The following CSTF1 variants were observed in gnomAD, a reference collection of about 807,000 sequenced individuals.
CSTF1 encodes CF-1 50 kDa subunit.
CSTF1 carries 2 observed loss-of-function variants against 40.9 expected under a neutral mutation model. That is an observed-to-expected ratio of 0.05 (90% CI 0.02 to 0.15). The LOEUF is 0.15. Among genes scored for constraint, CSTF1 ranks in the 10% least tolerant of loss-of-function variants. The pLI, the probability that CSTF1 is intolerant of heterozygous loss-of-function variation, is 1.00. For missense variants in CSTF1, 279 were observed against 558.9 expected, an observed-to-expected ratio of 0.50 and a Z score of 5.05; for synonymous variants, 218 against 207.2, an observed-to-expected ratio of 1.05 and a Z score of -0.45.
chr20:56,397,766 T>C lies in CSTF1; in HGVS notation c.570T>C (p.Ser190=). Reference sequence around the variant, plus strand: ...ACCCAACAGAACAGATCCTGGCTTCTGGTTCAAGGGATTATACTCTTAAAT... The same window carrying C: ...ACCCAACAGAACAGATCCTGGCTTCCGGTTCAAGGGATTATACTCTTAAAT... ...AFHPTEQILA[S]GSRDYTLKLF... The change falls in exon 4 of 6, where the codon TCT becomes TCC. Residue 190 remains serine (S), a synonymous_variant. Transcript: ENST00000217109. This position sits in a 1 kb window ranked among gnomAD's most constrained non-coding sequence, Gnocchi z 4.4. 6.2e-7 allele frequency: 1 copy of C among 1,614,216 alleles called. No homozygotes were observed. The highest frequency in any genetic ancestry group is 8.5e-7 in the Non-Finnish European group (1 of 1,180,004).
Position 56,397,861 on chromosome 20 carries a change from A to G in CSTF1, c.645+20A>G. 1 of 1,569,174 alleles carries G rather than the reference A, an allele frequency of 6.4e-7. No homozygotes were observed. The highest frequency in any genetic ancestry group is 1.7e-4 in the Middle Eastern group (1 of 5,902). ...ATTCAGGTAGGAATCTTTAGAAAGG[A>G]GCTTTACATTTTTTCTTAAATACAA... On this transcript the variant is annotated intron_variant, in intron 4 of 5. Transcript: ENST00000217109. This position sits in a 1 kb window ranked among gnomAD's most constrained non-coding sequence, Gnocchi z 4.4.
chr20:56,405,319 G>C lies in CSTF1; in HGVS notation c.*1592G>C, dbSNP rs1243350705. 1 of 152,162 alleles carries C rather than the reference G, an allele frequency of 6.6e-6. No individual in the cohort carries two copies. Among genetic ancestry groups the C allele is most frequent in the Non-Finnish European group, 1.5e-5 (1 of 68,062 alleles). 9.4% of individuals were successfully genotyped at this position (152,162 alleles called of 1,614,324 possible). A position where few individuals can be genotyped will look rare whatever the true frequency, so the allele number is the denominator to read the frequency against. On this transcript the variant is annotated 3_prime_UTR_variant, in exon 6 of 6. Coordinates refer to ENST00000217109, the MANE Select transcript of CSTF1 (RefSeq NM_001324.3). ...CCACCTGGGTTCAAACGATTCTCCTGCCTCAGGCTCCCGAGTAACTAGGAT... is the reference window on the plus strand; with the variant it reads ...CCACCTGGGTTCAAACGATTCTCCTCCCTCAGGCTCCCGAGTAACTAGGAT...
chr20:56,397,487 A>G lies in CSTF1; in HGVS notation c.447+3A>G, dbSNP rs1258195606. 6.2e-7 allele frequency: 1 copy of G among 1,612,258 alleles called. No homozygotes were observed. Among genetic ancestry groups the G allele is most frequent in the South Asian group, 1.1e-5 (1 of 91,010 alleles). ...CCAAAAGTGCCATGCCAATAGAGGTAAAAATTCCAGTCACATACTTATTGA... is the reference window on the plus strand; with the variant it reads ...CCAAAAGTGCCATGCCAATAGAGGTGAAAATTCCAGTCACATACTTATTGA... On this transcript the variant is annotated splice_donor_region_variant and intron_variant, in intron 3 of 5. Transcript: ENST00000217109. The surrounding 1 kb of genome is among the most constrained non-coding windows in gnomAD (Gnocchi z 4.4).
chr20:56,397,111 G>C lies in CSTF1; in HGVS notation c.170-96G>C. On this transcript the variant is annotated intron_variant, in intron 2 of 5. Coordinates refer to ENST00000217109, the MANE Select transcript of CSTF1 (RefSeq NM_001324.3). The surrounding 1 kb of genome is among the most constrained non-coding windows in gnomAD (Gnocchi z 4.4). ...CTCCAAGAAATAGGAGGTTGACACT[G>C]GTGAGCATCTTTCCAGTTTGGATCT... The C allele has an allele frequency of 1.5e-6, 2 of 1,334,454 alleles. No individual in the cohort carries two copies. Among genetic ancestry groups the C allele is most frequent in the East Asian group, 2.3e-5 (1 of 43,420 alleles). The allele number at this position is 1,334,454 out of a possible 1,614,324, so 82.7% of individuals were successfully genotyped here. A position where few individuals can be genotyped will look rare whatever the true frequency, so the allele number is the denominator to read the frequency against.
At position 56,397,948 on chromosome 20, in the gene CSTF1, G is replaced by A. The variant is rs565268427; in HGVS notation, c.645+107G>A. The A allele has an allele frequency of 4.8e-5, 43 of 886,714 alleles. No homozygotes were observed. Among genetic ancestry groups the A allele is most frequent in the South Asian group, 4.6e-4 (28 of 61,004 alleles). The allele number at this position is 886,714 out of a possible 1,614,324, so 54.9% of individuals were successfully genotyped here. ...TCTCAGTGATCATCCTGTAAGATGC[G>A]TACAGACCAGGATGCATGCCCGATG... On this transcript the variant is annotated intron_variant, in intron 4 of 5. Transcript: ENST00000217109. This position sits in a 1 kb window ranked among gnomAD's most constrained non-coding sequence, Gnocchi z 4.4.
rs1488682197 is a variant in CSTF1 at position 56,399,391 on chromosome 20, G to A, written c.1036+34G>A. ...GACGTTGATGTTACTTAACATTTCT[G>A]TAGTGTTTACACTTTCCAGAACTCT... On this transcript the variant is annotated intron_variant, in intron 5 of 5. Coordinates refer to ENST00000217109, the MANE Select transcript of CSTF1 (RefSeq NM_001324.3). The surrounding 1 kb of genome is among the most constrained non-coding windows in gnomAD (Gnocchi z 4.6). The A allele has an allele frequency of 1.3e-6, 2 of 1,569,866 alleles. No individual in the cohort carries two copies. The highest frequency in any genetic ancestry group is 3.4e-5 in the Admixed American group (2 of 58,014).
chr20:56,403,322 T>C, intron 5 of CSTF1, 146 bp from the exon 6 acceptor site: 7 of 984,046 alleles, frequency 7.1e-6, no homozygotes, highest in Non-Finnish European at 9.0e-6. Context: ...GGTTTGATTT[T>C]CTTTTTTGTA....
rs530252437 is a variant in CSTF1 at position 56,404,381 on chromosome 20, G to A, written c.*654G>A. The A allele has an allele frequency of 6.6e-6, 1 of 152,242 alleles. No homozygotes were observed. The highest frequency in any genetic ancestry group is 1.9e-4 in the East Asian group (1 of 5,190). The allele number at this position is 152,242 out of a possible 1,614,324, so 9.4% of individuals were successfully genotyped here. A position where few individuals can be genotyped will look rare whatever the true frequency, so the allele number is the denominator to read the frequency against. On this transcript the variant is annotated 3_prime_UTR_variant, in exon 6 of 6. Transcript: ENST00000217109. ...TCAATATCTGCAATACTTGTCTTTAGTAACTGTATTTCTGGTAAGATTATG... is the reference window on the plus strand; with the variant it reads ...TCAATATCTGCAATACTTGTCTTTAATAACTGTATTTCTGGTAAGATTATG...
intron 4 of CSTF1, 74 bp from the exon 5 acceptor site, chr20:56,398,893 G>A (rs901846654): frequency 3.0e-6 from 4 of 1,347,216 alleles, no homozygotes; most frequent in Non-Finnish European, 4.1e-6. Context: ...TCATCAGCCA[G>A]ATATTTTCCA....
chr20:56,403,773 C>G lies in CSTF1; in HGVS notation c.*46C>G, dbSNP rs1978579957. ...CTTTCTCGAGGACTCTACCCTCCTC[C>G]CCCACGTCCTGTCTCAGCTGCAGTC... On this transcript the variant is annotated 3_prime_UTR_variant, in exon 6 of 6. Transcript: ENST00000217109. 6.4e-7 allele frequency: 1 copy of G among 1,561,924 alleles called. No homozygotes were observed. The highest frequency in any genetic ancestry group is 8.7e-7 in the Non-Finnish European group (1 of 1,147,202).
chr20:56,399,057 A>G lies in CSTF1; in HGVS notation c.736A>G (p.Ile246Val). 5 of 1,614,158 alleles carry G rather than the reference A, an allele frequency of 3.1e-6. No homozygotes were observed. Among genetic ancestry groups the G allele is most frequent in the Non-Finnish European group, 4.2e-6 (5 of 1,180,018 alleles). Residue 246 changes from isoleucine to valine, a missense_variant, in exon 5 of 6, where the codon ATC becomes GTC. Coordinates refer to ENST00000217109, the MANE Select transcript of CSTF1 (RefSeq NM_001324.3). This position sits in a 1 kb window ranked among gnomAD's most constrained non-coding sequence, Gnocchi z 4.6. Reference protein sequence around the residue: ...TQHPTLRLYDINTFQCFVSCN... With the variant: ...TQHPTLRLYDVNTFQCFVSCN... Reference sequence around the variant, plus strand: ...GCATCCTACTCTTCGCCTTTATGATATCAACACCTTTCAATGTTTTGTCTC... The same window carrying G: ...GCATCCTACTCTTCGCCTTTATGATGTCAACACCTTTCAATGTTTTGTCTC...
At chr20:56,395,182 G>C (rs1987481294) in intron 1 of CSTF1, among the ~76,000 whole-genome samples, 1 of 152,186 alleles carries the variant, frequency 6.6e-6, no homozygotes, top group Admixed American at 6.5e-5. Context: ...GGAAGATTCT[G>C]GGATAACAAT....
chr20:56,393,685 G>A (rs981748716), intron 1 of CSTF1, among the ~76,000 whole-genome samples: 2 of 151,828 alleles, frequency 1.3e-5, no homozygotes, highest in Non-Finnish European at 2.9e-5. Context: ...ACAAGTTATG[G>A]GACGGTGAAC....
intron 2 of CSTF1, 147 bp downstream of exon 2, chr20:56,395,868 G>T: frequency 1.3e-6 from 1 of 797,982 alleles, no homozygotes. Flanking sequence ...CATGAGTTCA[G>T]GAAGTAGCTC....
chr20:56,393,263 C>T (rs1411505486), intron 1 of CSTF1, among the ~76,000 whole-genome samples: 1 of 151,934 alleles, frequency 6.6e-6, no homozygotes, highest in Non-Finnish European at 1.5e-5. Context: ...CCAAAAATGG[C>T]TTCCCTCCAT....
intron 5 of CSTF1, among the ~76,000 whole-genome samples, chr20:56,403,169 A>G (rs1978539365): frequency 1.3e-5 from 2 of 151,118 alleles, no homozygotes; most frequent in Admixed American, 1.3e-4. Flanking sequence ...TGATCTGGTG[A>G]TCTCCTTTTT....
chr20:56,396,029 ACTC>A (rs1488186369), intron 2 of CSTF1: 6 of 236,196 alleles, frequency 2.5e-5, no homozygotes, highest in Non-Finnish European at 4.9e-5. Flanking sequence ...AGTTCTCTTA[ACTC>A]CTCCTAAAAT....
At chr20:56,393,348 G>A (rs1987373323) in intron 1 of CSTF1, among the ~76,000 whole-genome samples, 1 of 152,000 alleles carries the variant, frequency 6.6e-6, no homozygotes, top group African/African-American at 2.4e-5. Context: ...AGGGTAAACA[G>A]GATGTGCATG....
At chr20:56,403,373 C>G in intron 5 of CSTF1, 95 bp from the exon 6 acceptor site, 1 of 1,452,578 alleles carries the variant, frequency 6.9e-7, no homozygotes, top group Non-Finnish European at 9.5e-7. Flanking sequence ...TGTATCACTG[C>G]AACAGGTTTA....
Sources: gnomAD v4.1 joint callset for allele counts (sites outside exome capture counted in the v4.1 genomes callset) on GRCh38, gnomAD v4.1.1 for gene constraint, Gnocchi (gnomAD v3.1) non-coding constraint, MANE v1.5 for transcripts, NCBI Gene and HGNC (gene_info 2026-07-23, HGNC 2026-07-21) for gene names.